Variants in OPTC observed in about 807,000 individuals in gnomAD.
OPTC encodes the protein oculoglycan.
A neutral mutation model predicts 25.4 loss-of-function variants in OPTC; 22 were observed. That is an observed-to-expected ratio of 0.87 (90% CI 0.62 to 1.24). The LOEUF is 1.24. Ranked by LOEUF, OPTC falls within the 50% of genes most tolerant of loss-of-function variation. The pLI, the probability that OPTC is intolerant of heterozygous loss-of-function variation, is 0.00. For synonymous variants in OPTC, 169 were observed against 179.3 expected, an observed-to-expected ratio of 0.94 and a Z score of 0.46; for missense variants, 417 against 425.2, an observed-to-expected ratio of 0.98 and a Z score of 0.17.
In OPTC at chr1:203,508,880, A is replaced by C. The variant is rs61827979; in HGVS notation, c.*260A>C. ...CCCACACTGAGGCCTTCTTGTCTTC[A>C]ACCTGGCCTGTCCAGCCCTTCCAGA... On this transcript the variant is annotated 3_prime_UTR_variant, in exon 8 of 8. Coordinates refer to ENST00000367222, the MANE Select transcript of OPTC (RefSeq NM_014359.4). The C allele has an allele frequency of 0.065, 9,942 of 152,228 alleles. 487 individuals carry two copies. The highest frequency in any genetic ancestry group is 0.14 in the Admixed American group (2,082 of 15,264). 9.4% of individuals were successfully genotyped at this position (152,228 alleles called of 1,614,324 possible).
At chr1:203,495,749 G>T (rs542727789) in intron 1 of OPTC, among the ~76,000 whole-genome samples, 1 of 152,268 alleles carries the variant, frequency 6.6e-6, no homozygotes, top group East Asian at 1.9e-4. Context: ...TTGGGTGAGC[G>T]TGTAAAAACA....
chr1:203,498,537 C>G (rs1162902106), intron 3 of OPTC, 144 bp from the exon 4 acceptor site: 1 of 907,802 alleles, frequency 1.1e-6, no homozygotes, highest in African/African-American at 1.6e-5. Context: ...GCACCGTGTA[C>G]ATGGTGCCCG....
chr1:203,502,918 T>C lies in OPTC; in HGVS notation c.737T>C (p.Met246Thr), dbSNP rs1404590248. The C allele has an allele frequency of 3.7e-6, 6 of 1,613,730 alleles. No homozygotes were observed. The East Asian group carries it at 1.1e-4, about 30-fold the overall frequency. Residue 246 changes from methionine (M) to threonine (T), a missense_variant, in exon 6 of 8, where the codon ATG (methionine) becomes ACG (threonine). Met to Thr is a moderately conservative substitution (Grantham distance 81, BLOSUM62 -1). Transcript: ENST00000367222. ...CACTCTTTGCTTTCTCCACAGGCAA[T>C]GGAGAAGCTGCAGTTCCTTTACCTG... ...SGIQPAAFRA[M>T]EKLQFLYLSD...
At chr1:203,497,259 G>A (rs1661296036) in intron 3 of OPTC, 144 bp downstream of exon 3, 1 of 818,258 alleles carries the variant, frequency 1.2e-6, no homozygotes, top group African/African-American at 1.7e-5. Context: ...GGAGAGAAGG[G>A]GAAATAGCCA....
intron 4 of OPTC, among the ~76,000 whole-genome samples, chr1:203,499,365 G>A (rs975503057): frequency 7.2e-5 from 11 of 152,090 alleles, no homozygotes; most frequent in Admixed American, 3.3e-4. Context: ...GGATTCCTGG[G>A]CCTGTTGGTT....
intron 7 of OPTC, among the ~76,000 whole-genome samples, chr1:203,505,951 A>AGTGT (rs34373102): frequency 2.2e-3 from 332 of 150,072 alleles, no homozygotes; most frequent in African/African-American, 6.0e-3. Flanking sequence ...TCTCTCTCAG[A>AGTGT]GTGTGTGTGT....
Position 203,496,271 on chromosome 1 carries a change from A to G in OPTC, c.231+35A>G, listed in dbSNP as rs527954682. 227 of 1,477,394 alleles carry G rather than the reference A, an allele frequency of 1.5e-4. 2 individuals are homozygous for G. In the South Asian group the frequency reaches 2.4e-3, roughly 15 times the overall value. 91.5% of individuals were successfully genotyped at this position (1,477,394 alleles called of 1,614,324 possible). A position where few individuals can be genotyped will look rare whatever the true frequency, so the allele number is the denominator to read the frequency against. On this transcript the variant is annotated intron_variant, in intron 2 of 7. Transcript: ENST00000367222. The stretch of plus-strand genomic sequence containing the variant: ...ACAGCAGACCAACTACATTCCCTGC[A>G]TGACACTGGGAGTCAGAGGCCAGGG...
At chr1:203,502,284 G>C (rs1353329019) in intron 5 of OPTC, among the ~76,000 whole-genome samples, 1 of 152,178 alleles carries the variant, frequency 6.6e-6, no homozygotes, top group Admixed American at 6.5e-5. Flanking sequence ...CTCTGTGCCT[G>C]AGGTTCTCAT....
intron 2 of OPTC, 66 bp from the exon 3 acceptor site, chr1:203,496,911 G>A: frequency 6.4e-7 from 1 of 1,563,574 alleles, no homozygotes. Context: ...GAGGTTCCCA[G>A]AGTCCAAAGT....
intron 3 of OPTC, among the ~76,000 whole-genome samples, chr1:203,497,326 T>C (rs1661296837): frequency 6.6e-6 from 1 of 152,170 alleles, no homozygotes; most frequent in Admixed American, 6.5e-5. Context: ...CTAATACTTT[T>C]GCCTGAATGT....
Position 203,498,802 on chromosome 1 carries a change from CA to C in OPTC, c.493del (p.Ile165SerfsTer12). 1.2e-6 allele frequency: 2 copies of C among 1,614,028 alleles called. No homozygotes were observed. The highest frequency in any genetic ancestry group is 1.7e-6 in the Non-Finnish European group (2 of 1,180,018). Reference sequence around the variant, plus strand: ...CCTACCTGTATGCACGCTTCAACCGCATCAGCCGTATCAGGGCCGAAGACTT... The same window carrying C: ...CCTACCTGTATGCACGCTTCAACCGCTCAGCCGTATCAGGGCCGAAGACTT... ...TAYLYARFNR[I>X]SRIRAEDFKG... is the part of the protein sequence containing the mutation. On this transcript the variant is annotated frameshift_variant, in exon 4 of 8. Transcript: ENST00000367222. LOFTEE classifies it high-confidence loss of function.
At chr1:203,495,895 G>C (rs759688541) in intron 1 of OPTC, 70 bp from the exon 2 acceptor site, 2 of 752,904 alleles carry the variant, frequency 2.7e-6, no homozygotes, top group Non-Finnish European at 4.7e-6. Context: ...GTAAATCTGC[G>C]AGCCATTCCC....
chr1:203,508,293 G>A (rs1435820614), intron 7 of OPTC, among the ~76,000 whole-genome samples: 2 of 152,178 alleles, frequency 1.3e-5, no homozygotes, highest in Admixed American at 1.3e-4. Context: ...GCATCACCCA[G>A]GCTAGAAAAA....
At chr1:203,495,431 G>A (rs1487025325) in intron 1 of OPTC, among the ~76,000 whole-genome samples, 3 of 152,158 alleles carry the variant, frequency 2.0e-5, no homozygotes, top group Non-Finnish European at 2.9e-5. Context: ...CAGGAGATTC[G>A]CTTGAACCCA....
At chr1:203,506,700 A>T (rs1028071534) in intron 7 of OPTC, among the ~76,000 whole-genome samples, 2 of 152,174 alleles carry the variant, frequency 1.3e-5, no homozygotes, top group Non-Finnish European at 2.9e-5. Flanking sequence ...CAAAAACCCT[A>T]GTGAGTAGGG....
intron 7 of OPTC, among the ~76,000 whole-genome samples, chr1:203,507,909 T>C (rs561086295): frequency 6.6e-6 from 1 of 152,286 alleles, no homozygotes; most frequent in East Asian, 1.9e-4. Context: ...CCTGCTTCCT[T>C]TTCTCTTTTG....
intron 1 of OPTC, among the ~76,000 whole-genome samples, chr1:203,495,470 C>T (rs773750027): frequency 6.6e-6 from 1 of 152,090 alleles, no homozygotes; most frequent in Non-Finnish European, 1.5e-5. Flanking sequence ...GAGCCAAGAT[C>T]GCACCACTGC....
In OPTC at chr1:203,495,976, G is replaced by A. The variant is rs751045479; in HGVS notation, c.-30G>A. 6.5e-7 allele frequency: 1 copy of A among 1,527,384 alleles called. No individual in the cohort carries two copies. The highest frequency in any genetic ancestry group is 9.0e-7 in the Non-Finnish European group (1 of 1,110,746). 94.6% of individuals were successfully genotyped at this position (1,527,384 alleles called of 1,614,324 possible). Reference sequence around the variant, plus strand: ...TGCCCACTTGCCAGGACCAGCCGCTGAAGGGATTCTCAGTCCCATCTGACT... The same window carrying A: ...TGCCCACTTGCCAGGACCAGCCGCTAAAGGGATTCTCAGTCCCATCTGACT... On this transcript the variant is annotated 5_prime_UTR_variant, in exon 2 of 8. Transcript: ENST00000367222.
chr1:203,502,841 G>A (rs1303672397), intron 5 of OPTC, 73 bp from the exon 6 acceptor site: 1 of 1,159,238 alleles, frequency 8.6e-7, no homozygotes, highest in Non-Finnish European at 1.3e-6. Flanking sequence ...CCTGTCTCTG[G>A]TCTCATAGCC....
Sources: allele counts gnomAD v4.1 joint callset (sites outside exome capture counted in the v4.1 genomes callset), GRCh38; gene constraint gnomAD v4.1.1; transcripts MANE v1.5; gene names NCBI Gene and HGNC (gene_info 2026-07-23, HGNC 2026-07-21).